SOX5: variants seen among roughly 807,000 people sequenced by gnomAD.
SOX5 encodes the protein transcription factor SOX-5.
SOX5 carries 9 observed loss-of-function variants against 92.0 expected under a neutral mutation model. The ratio of observed to expected loss-of-function variants is 0.10; its 90% confidence interval spans 0.06 to 0.17. The LOEUF is 0.17. Ranked by LOEUF, SOX5 falls within the 10% of genes least tolerant of loss-of-function variation. The pLI is 1.00. For synonymous variants in SOX5, 344 were observed against 336.3 expected (o/e 1.02, Z -0.25); for missense variants, 642 against 944.5 (o/e 0.68, Z 4.20).
intron 4 of SOX5, among the ~76,000 whole-genome samples, chr12:23,976,821 T>C (rs995805187): frequency 6.6e-6 from 1 of 152,136 alleles, no homozygotes; most frequent in Non-Finnish European, 1.5e-5. Flanking sequence ...GTTGTTGTTT[T>C]TTTTTTTAAA....
chr12:23,565,845 T>A (rs1041319823), intron 10 of SOX5, among the ~76,000 whole-genome samples: 32 of 152,240 alleles, frequency 2.1e-4, no homozygotes, highest in African/African-American at 7.5e-4. Context: ...GATTGTTTGC[T>A]GGTTCTTTAC....
intron 1 of SOX5, among the ~76,000 whole-genome samples, chr12:24,390,734 G>A: frequency 6.6e-6 from 1 of 152,020 alleles, no homozygotes; most frequent in East Asian, 1.9e-4. Context: ...TCATGTTGCT[G>A]CAAAAGATAG....
chr12:23,776,602 A>G (rs4271467), intron 3 of SOX5, among the ~76,000 whole-genome samples: 17,160 of 152,160 alleles, frequency 0.11, 1,104 homozygotes, highest in East Asian at 0.21. Flanking sequence ...ACCACGGACC[A>G]GTCTCGTGGA....
At chr12:23,877,011 G>T (rs2096934780) in intron 2 of SOX5, among the ~76,000 whole-genome samples, 1 of 152,046 alleles carries the variant, frequency 6.6e-6, no homozygotes, top group East Asian at 1.9e-4. Flanking sequence ...GGGGCAAGGG[G>T]AGGGACAGCA....
intron 3 of SOX5, among the ~76,000 whole-genome samples, chr12:23,793,082 C>G (rs539826674): frequency 6.6e-6 from 1 of 152,114 alleles, no homozygotes; most frequent in Non-Finnish European, 1.5e-5. Flanking sequence ...AGACTTTCAC[C>G]TAAGGATTTT....
intron 2 of SOX5, among the ~76,000 whole-genome samples, chr12:23,889,943 T>C (rs1399419933): frequency 6.6e-6 from 1 of 152,210 alleles, no homozygotes; most frequent in East Asian, 1.9e-4. Flanking sequence ...GATCTTTATA[T>C]GTTAAAAAAT....
At chr12:23,926,069 G>A (rs897320644) in intron 1 of SOX5, among the ~76,000 whole-genome samples, 2 of 152,056 alleles carry the variant, frequency 1.3e-5, no homozygotes, top group African/African-American at 4.8e-5. Context: ...GATAGTTCCA[G>A]GACACTGGGA....
At chr12:24,365,727 A>G (rs1415395426) in intron 2 of SOX5, among the ~76,000 whole-genome samples, 2 of 144,002 alleles carry the variant, frequency 1.4e-5, no homozygotes, top group African/African-American at 5.0e-5. Context: ...ATACATATAG[A>G]CACAGGCTTC....
chr12:24,239,095 T>C (rs953910818), intron 3 of SOX5, among the ~76,000 whole-genome samples: 2 of 152,146 alleles, frequency 1.3e-5, no homozygotes, highest in Non-Finnish European at 2.9e-5. Flanking sequence ...ACCTTCAGAA[T>C]CCCAACATAT....
chr12:23,628,407 C>T (rs1229644447), intron 8 of SOX5, among the ~76,000 whole-genome samples: 1 of 152,020 alleles, frequency 6.6e-6, no homozygotes, highest in Non-Finnish European at 1.5e-5. Context: ...TGCTTCACTC[C>T]ATAAAGGAAG....
chr12:23,918,029 T>C (rs1463646675), intron 1 of SOX5, among the ~76,000 whole-genome samples: 1 of 152,154 alleles, frequency 6.6e-6, no homozygotes, highest in East Asian at 1.9e-4. Context: ...AAATAAAGAC[T>C]ACAAAAACTG....
chr12:24,514,269 A>G lies in SOX5; in HGVS notation c.-251+48060T>C, dbSNP rs560371810. ...CACTTTTACATTTTGTGAATGCAGA[A>G]TCCTGACAATTTTATTGAATATCTA... On this transcript the variant is annotated intron_variant, in intron 1 of 4. Transcript: ENST00000446891. Among the ~76,000 whole-genome samples, 6 of 152,320 alleles carry G rather than the reference A, an allele frequency of 3.9e-5. No homozygotes were observed. The South Asian group carries it at 1.2e-3, about 32-fold the overall frequency.
intron 1 of SOX5, among the ~76,000 whole-genome samples, chr12:24,467,295 C>A (rs1042494404): frequency 6.6e-6 from 1 of 152,140 alleles, no homozygotes; most frequent in Non-Finnish European, 1.5e-5. Context: ...AACATATTAG[C>A]CCAATATTTG....
intron 8 of SOX5, among the ~76,000 whole-genome samples, chr12:23,605,165 A>G (rs2075088135): frequency 6.6e-6 from 1 of 152,150 alleles, no homozygotes; most frequent in African/African-American, 2.4e-5. Context: ...CTTGACGACT[A>G]AGGTTTTAAA....
intron 4 of SOX5, among the ~76,000 whole-genome samples, chr12:24,001,367 C>T (rs942420109): frequency 6.6e-6 from 1 of 152,046 alleles, no homozygotes; most frequent in African/African-American, 2.4e-5. Flanking sequence ...GCTGGGATTA[C>T]AAGCATGAGC....
At chr12:24,048,240 C>G (rs542397059) in intron 4 of SOX5, among the ~76,000 whole-genome samples, 1 of 152,262 alleles carries the variant, frequency 6.6e-6, no homozygotes, top group East Asian at 1.9e-4. Flanking sequence ...TATTAAGTAA[C>G]AGGCCCAAGA....
Position 23,809,445 on chromosome 12 carries a change from A to C in SOX5, c.481+36538T>G, listed in dbSNP as rs1042504154. On this transcript the variant is annotated intron_variant, in intron 3 of 14. Coordinates refer to ENST00000451604, the MANE Select transcript of SOX5 (RefSeq NM_006940.6). ...TATTCAACTAAGTTAGTGTAAATTT[A>C]TTCAACACCAGTATTACATAAATTT... 2.0e-5 allele frequency among the ~76,000 whole-genome samples: 3 copies of C among 152,062 alleles called. No individual in the cohort carries two copies. In the South Asian group the frequency reaches 6.2e-4, roughly 31 times the overall value.
intron 8 of SOX5, among the ~76,000 whole-genome samples, chr12:23,610,470 T>A (rs1358321341): frequency 1.3e-5 from 2 of 152,164 alleles, no homozygotes; most frequent in African/African-American, 4.8e-5. Flanking sequence ...ATGTCCCTGC[T>A]AATCAATGCT....
chr12:24,531,126 G>GT (rs1381996859), intron 1 of SOX5, among the ~76,000 whole-genome samples: 3 of 152,068 alleles, frequency 2.0e-5, no homozygotes, highest in African/African-American at 7.2e-5. Flanking sequence ...GACTGGTCTT[G>GT]AAGAGCCAAA....
Sources: gnomAD v4.1 joint callset for allele counts (sites outside exome capture counted in the v4.1 genomes callset) on GRCh38, gnomAD v4.1.1 for gene constraint, MANE v1.5 for transcripts, NCBI Gene and HGNC (gene_info 2026-07-23, HGNC 2026-07-21) for gene names.